ARHGAP32: variants seen among roughly 807,000 people sequenced by gnomAD.
The protein encoded by ARHGAP32 is rho GTPase-activating protein 32.
In ARHGAP32, 51 loss-of-function variants were observed where a neutral mutation model predicts 186.5. The ratio of observed to expected loss-of-function variants is 0.27; its 90% CI spans 0.22 to 0.35. ARHGAP32 has a LOEUF of 0.35. ARHGAP32 is among the 10% of genes least tolerant of loss of function. ARHGAP32 has a pLI of 1.00. For missense variants in ARHGAP32, 2,186 were observed against 2,623.5 expected, an observed-to-expected ratio of 0.83 and a Z score of 3.64; for synonymous variants, 950 against 964.3, an observed-to-expected ratio of 0.99 and a Z score of 0.27.
chr11:129,235,122 G>C (rs772912520), intron 1 of ARHGAP32, among the ~76,000 whole-genome samples: 1 of 152,110 alleles, frequency 6.6e-6, no homozygotes, highest in African/African-American at 2.4e-5. Flanking sequence ...AAAAGAGAAG[G>C]CCACGTGAAG....
rs1039786524 is a variant in ARHGAP32 at position 128,965,235 on chromosome 11, C to T, written c.*3672G>A. On this transcript the variant is annotated 3_prime_UTR_variant, in exon 23 of 23. Transcript: ENST00000682385. Reference sequence around the variant, plus strand: ...AACAAAACCCAAACCCACAACTCAGCTTCAAATAAGTTTGCAAGAAATGAG... The same window carrying T: ...AACAAAACCCAAACCCACAACTCAGTTTCAAATAAGTTTGCAAGAAATGAG... 5 of 150,984 alleles carry T rather than the reference C, an allele frequency of 3.3e-5. No homozygotes were observed. Among genetic ancestry groups the T allele is most frequent in the Non-Finnish European group, 2.9e-5 (2 of 67,906 alleles). The allele number at this position is 150,984 out of a possible 1,614,324, so 9.4% of individuals were successfully genotyped here.
chr11:129,224,703 G>A (rs749156745), intron 1 of ARHGAP32, among the ~76,000 whole-genome samples: 21 of 147,654 alleles, frequency 1.4e-4, no homozygotes, highest in African/African-American at 2.5e-4. Flanking sequence ...CAACCTATCC[G>A]GTGACATCCT....
intron 11 of ARHGAP32, among the ~76,000 whole-genome samples, chr11:129,002,804 G>GTT (rs1565369359): frequency 1.0e-5 from 1 of 99,224 alleles, no homozygotes; most frequent in Admixed American, 1.1e-4. Flanking sequence ...AAGGGATGTT[G>GTT]ATTTTTTTTT....
chr11:129,266,362 C>T (rs1432723126), intron 1 of ARHGAP32, among the ~76,000 whole-genome samples: 1 of 152,080 alleles, frequency 6.6e-6, no homozygotes, highest in Admixed American at 6.6e-5. Flanking sequence ...TATATATGCT[C>T]CTAAACCTGC....
chr11:129,262,337 T>C (rs751658022), intron 1 of ARHGAP32, among the ~76,000 whole-genome samples: 1 of 152,146 alleles, frequency 6.6e-6, no homozygotes, highest in Non-Finnish European at 1.5e-5. Flanking sequence ...TGTTGATATA[T>C]TCATTTAACC....
intron 1 of ARHGAP32, among the ~76,000 whole-genome samples, chr11:129,178,677 G>A (rs1177039391): frequency 9.9e-5 from 15 of 152,052 alleles, no homozygotes; most frequent in Non-Finnish European, 1.5e-4. Flanking sequence ...AACCTGAGAA[G>A]AACAAGCAAT....
At position 128,973,122 on chromosome 11, in the gene ARHGAP32, T is replaced by A. The variant is rs750685288; in HGVS notation, c.3384A>T (p.Pro1128=). The A allele has an allele frequency of 2.5e-6, 4 of 1,614,102 alleles. No homozygotes were observed. In the East Asian group the frequency reaches 8.9e-5, roughly 36 times the overall value. ...AEQFHLQNNA[P]GNCDHPLPET... ...CTGGTAGAGGATGGTCACAGTTTCC[T>A]GGTGCATTATTCTGGAGGTGGAACT... The change falls in exon 22 of 23, where the codon CCA becomes CCT. Residue 1128 remains proline (P), a synonymous_variant. Coordinates refer to ENST00000682385, the MANE Select transcript of ARHGAP32 (RefSeq NM_001378024.1).
intron 1 of ARHGAP32, among the ~76,000 whole-genome samples, chr11:129,221,660 G>A (rs1322411983): frequency 6.6e-6 from 1 of 151,674 alleles, no homozygotes; most frequent in Admixed American, 6.6e-5. Context: ...ATGAGGAAGA[G>A]TACAAGCAGT....
At chr11:129,071,390 G>A (rs1940861544) in intron 6 of ARHGAP32, among the ~76,000 whole-genome samples, 2 of 151,758 alleles carry the variant, frequency 1.3e-5, no homozygotes, top group Non-Finnish European at 1.5e-5. Flanking sequence ...TTAACCAATG[G>A]GCAAAAGCAC....
intron 6 of ARHGAP32, among the ~76,000 whole-genome samples, chr11:129,092,885 A>G (rs1941617485): frequency 1.3e-5 from 2 of 152,006 alleles, no homozygotes; most frequent in South Asian, 4.1e-4. Context: ...TTTCTTTACA[A>G]TGACTAATTC....
At chr11:129,251,442 G>A (rs1468912744) in intron 1 of ARHGAP32, among the ~76,000 whole-genome samples, 1 of 152,106 alleles carries the variant, frequency 6.6e-6, no homozygotes, top group East Asian at 1.9e-4. Flanking sequence ...ATATGAAAAT[G>A]TATTTAGGAA....
intron 11 of ARHGAP32, among the ~76,000 whole-genome samples, chr11:129,039,732 A>C (rs1939510324): frequency 6.6e-6 from 1 of 152,240 alleles, no homozygotes; most frequent in South Asian, 2.1e-4. Flanking sequence ...CTGAGTTTTC[A>C]AAAAGTTAAG....
At chr11:128,987,755 G>A (rs1038576704) in intron 13 of ARHGAP32, among the ~76,000 whole-genome samples, 14 of 152,054 alleles carry the variant, frequency 9.2e-5, no homozygotes, top group Non-Finnish European at 4.4e-5. Context: ...GCTGTCATCG[G>A]TTCAAACTCA....
Position 129,142,521 on chromosome 11 carries a change from C to G in ARHGAP32, c.226-17627G>C, listed in dbSNP as rs564956390. On this transcript the variant is annotated intron_variant, in intron 2 of 22. Transcript: ENST00000682385. ...CAACTGAATAAACAAGGTTTCAATA[C>G]TAAATTTGTACTGTCATGAAAGGCA... Among the ~76,000 whole-genome samples the G allele has an allele frequency of 5.3e-5, 8 of 152,092 alleles. No individual in the cohort carries two copies. In the South Asian group the frequency reaches 1.7e-3, roughly 32 times the overall value.
At chr11:128,975,060 G>C in intron 20 of ARHGAP32, 58 bp from the exon 21 acceptor site, 1 of 1,397,304 alleles carries the variant, frequency 7.2e-7, no homozygotes, top group South Asian at 1.3e-5. Context: ...GAATGCTGTG[G>C]TAAGTCACCT....
chr11:129,179,298 G>C (rs1316111911), intron 1 of ARHGAP32, among the ~76,000 whole-genome samples: 1 of 152,140 alleles, frequency 6.6e-6, no homozygotes, highest in African/African-American at 2.4e-5. Flanking sequence ...GAAACAACAG[G>C]TGCTGGAGAG....
intron 1 of ARHGAP32, among the ~76,000 whole-genome samples, chr11:129,225,102 T>C (rs1944762401): frequency 6.6e-6 from 1 of 152,056 alleles, no homozygotes; most frequent in Admixed American, 6.6e-5. Flanking sequence ...TGAGAGCCTG[T>C]TTTGCAAAGA....
At chr11:129,001,040 CTT>C (rs59838870) in intron 11 of ARHGAP32, among the ~76,000 whole-genome samples, 23,662 of 152,038 alleles carry the variant, frequency 0.16, 2,269 homozygotes, top group African/African-American at 0.27. Flanking sequence ...CTGATGAACA[CTT>C]AGGCTGCTTA....
chr11:129,224,985 C>A (rs1274565256), intron 1 of ARHGAP32, among the ~76,000 whole-genome samples: 1 of 151,912 alleles, frequency 6.6e-6, no homozygotes, highest in African/African-American at 2.4e-5. Context: ...ATGGTGCATA[C>A]GTGTAGTCCC....
Sources: gnomAD v4.1 joint callset for allele counts (sites outside exome capture counted in the v4.1 genomes callset) on GRCh38, gnomAD v4.1.1 for gene constraint, MANE v1.5 for transcripts, NCBI Gene and HGNC (gene_info 2026-07-23, HGNC 2026-07-21) for gene names.